FAM120A: variants seen among roughly 807,000 people sequenced by gnomAD.
FAM120A encodes family with sequence similarity 120 member A.
FAM120A carries 15 observed loss-of-function variants against 109.7 expected under a neutral mutation model. That is an observed-to-expected ratio of 0.14 (90% CI 0.09 to 0.21). The LOEUF (loss-of-function observed/expected upper bound fraction) is 0.21. FAM120A is among the 10% of genes least tolerant of loss of function. The probability of loss-of-function intolerance (pLI) is 1.00; values close to 1 mark genes in which losing one functional copy is unlikely to be tolerated. For synonymous variants in FAM120A, 493 were observed against 572.8 expected, an observed-to-expected ratio of 0.86 and a Z score of 1.99; for missense variants, 899 against 1,439.3, an observed-to-expected ratio of 0.62 and a Z score of 6.07.
intron 12 of FAM120A, 64 bp downstream of exon 12, chr9:93,550,755 C>A: frequency 1.6e-6 from 2 of 1,234,234 alleles, no homozygotes; most frequent in Non-Finnish European, 2.3e-6. Flanking sequence ...TGTAATACTG[C>A]TAACTTTCAA....
intron 10 of FAM120A, among the ~76,000 whole-genome samples, chr9:93,542,596 T>G (rs1389946370): frequency 6.6e-6 from 1 of 152,244 alleles, no homozygotes; most frequent in Non-Finnish European, 1.5e-5. Flanking sequence ...TTACACTCTG[T>G]CTGAAGTCTT....
At chr9:93,504,454 T>C (rs1395646551) in intron 5 of FAM120A, among the ~76,000 whole-genome samples, 3 of 152,236 alleles carry the variant, frequency 2.0e-5, no homozygotes. Flanking sequence ...CTCGACTCTC[T>C]ACCACCCTCA....
intron 15 of FAM120A, 116 bp from the exon 16 acceptor site, chr9:93,560,993 G>A: frequency 8.9e-7 from 1 of 1,118,180 alleles, no homozygotes; most frequent in Non-Finnish European, 1.3e-6. Flanking sequence ...ACAGGAGAAA[G>A]TAGCTTCATA....
At chr9:93,471,802 C>T (rs962680150) in intron 2 of FAM120A, among the ~76,000 whole-genome samples, 13 of 152,168 alleles carry the variant, frequency 8.5e-5, no homozygotes, top group African/African-American at 2.9e-4. Context: ...TTTCGGGATA[C>T]TCACTACTTT....
chr9:93,510,829 A>G (rs537929017), intron 5 of FAM120A, among the ~76,000 whole-genome samples: 180 of 151,732 alleles, frequency 1.2e-3, no homozygotes, highest in Middle Eastern at 3.4e-3. Context: ...AAACTGATTA[A>G]TTAAACCCAG....
intron 1 of FAM120A, among the ~76,000 whole-genome samples, chr9:93,469,940 G>A (rs1212705672): frequency 6.6e-6 from 1 of 152,178 alleles, no homozygotes; most frequent in African/African-American, 2.4e-5. Flanking sequence ...GTGATGTCCA[G>A]TAGAATTTTC....
intron 5 of FAM120A, among the ~76,000 whole-genome samples, chr9:93,512,041 C>A (rs1454331523): frequency 3.3e-5 from 5 of 152,210 alleles, no homozygotes; most frequent in Non-Finnish European, 7.3e-5. Flanking sequence ...ATTCGCCTGC[C>A]TTGGCCTCCC....
At chr9:93,525,494 AACAAC>A (rs1861038015) in intron 7 of FAM120A, among the ~76,000 whole-genome samples, 1 of 152,228 alleles carries the variant, frequency 6.6e-6, no homozygotes, top group African/African-American at 2.4e-5. Context: ...CTTTAAGCTT[AACAAC>A]AGTTTGAGAA....
At chr9:93,470,410 C>T (rs1162498962) in intron 1 of FAM120A, among the ~76,000 whole-genome samples, 1 of 152,044 alleles carries the variant, frequency 6.6e-6, no homozygotes, top group Non-Finnish European at 1.5e-5. Flanking sequence ...CTTGCTCCTT[C>T]GTGTGTTGTG....
Position 93,557,916 on chromosome 9 carries a change from G to A in FAM120A, c.2574G>A (p.Pro858=), listed in dbSNP as rs551505031. 11 of 1,610,724 alleles carry A rather than the reference G, an allele frequency of 6.8e-6. No homozygotes were observed. Among genetic ancestry groups the A allele is most frequent in the African/African-American group, 4.0e-5 (3 of 74,918 alleles). The part of the protein sequence containing the change: ...FSRQSHTLPF[P]PPPALPFYPA... ...GGCAGAGCCACACGCTCCCTTTCCC[G>A]CCGCCACCTGCCCTGCCCTTCTACC... Residue 858 remains proline (P), a synonymous_variant, in exon 14 of 18, where the codon CCG becomes CCA. Transcript: ENST00000277165.
intron 1 of FAM120A, among the ~76,000 whole-genome samples, chr9:93,464,412 C>G (rs1183845204): frequency 6.6e-6 from 1 of 152,152 alleles, no homozygotes; most frequent in African/African-American, 2.4e-5. Flanking sequence ...GCCCTTTTGC[C>G]ACTTCTTAAA....
At chr9:93,527,834 GC>G (rs1861155619) in intron 8 of FAM120A, among the ~76,000 whole-genome samples, 1 of 151,712 alleles carries the variant, frequency 6.6e-6, no homozygotes, top group Admixed American at 6.6e-5. Context: ...TGATGGCCAG[GC>G]TAGTCTCGAA....
chr9:93,532,623 C>T lies in FAM120A; in HGVS notation c.1909+294C>T. 5.4e-6 allele frequency: 2 copies of T among 369,376 alleles called. No homozygotes were observed. The highest frequency in any genetic ancestry group is 5.2e-5 in the South Asian group (2 of 38,536). 22.9% of individuals were successfully genotyped at this position (369,376 alleles called of 1,614,324 possible). ...TGAAAGCAGACTTGAATTGCCGCCA[C>T]TCTCTGTAATTACCACGTCTTGGTA... On this transcript the variant is annotated intron_variant, in intron 10 of 17. Coordinates refer to ENST00000277165, the MANE Select transcript of FAM120A (RefSeq NM_014612.5). This position sits in a 1 kb window ranked among gnomAD's most constrained non-coding sequence, Gnocchi z 4.3.
chr9:93,466,438 T>G (rs1218800767), intron 1 of FAM120A, among the ~76,000 whole-genome samples: 2 of 152,104 alleles, frequency 1.3e-5, no homozygotes, highest in Non-Finnish European at 2.9e-5. Context: ...CATGCCATCC[T>G]TTTGTTTTGG....
intron 3 of FAM120A, among the ~76,000 whole-genome samples, chr9:93,486,957 A>G (rs79068125): frequency 0.077 from 11,676 of 151,880 alleles, 578 homozygotes; most frequent in Non-Finnish European, 0.1. Flanking sequence ...GTTATTGTCT[A>G]TTTTTTTATT....
At position 93,564,630 on chromosome 9, in the gene FAM120A, T is replaced by G. The variant is rs1036947932; in HGVS notation, c.*90T>G. 8.1e-6 allele frequency: 9 copies of G among 1,111,808 alleles called. No individual in the cohort carries two copies. The African/African-American group carries it at 1.3e-4, about 16-fold the overall frequency. 68.9% of individuals were successfully genotyped at this position (1,111,808 alleles called of 1,614,324 possible). A position where few individuals can be genotyped will look rare whatever the true frequency, so the allele number is the denominator to read the frequency against. On this transcript the variant is annotated 3_prime_UTR_variant, in exon 18 of 18. Coordinates refer to ENST00000277165, the MANE Select transcript of FAM120A (RefSeq NM_014612.5). The stretch of plus-strand genomic sequence containing the variant: ...AGAGAGCCTGCAGTTATGTACATTT[T>G]GTCCTTTCCGTAAGAGAAAAATGAG...
chr9:93,557,937 C>G lies in FAM120A; in HGVS notation c.2595C>G (p.Phe865Leu). ...LPFPPPPALP[F>L]YPASAYPRHF... ...TCCCGCCGCCACCTGCCCTGCCCTT[C>G]TACCCTGCCTCTGCGTACCCCCGGC... is the stretch of plus-strand genomic sequence containing the variant. Residue 865 changes from phenylalanine to leucine, a missense_variant, in exon 14 of 18, where the codon TTC becomes TTG. Phe to Leu is a conservative substitution (Grantham distance 22). Coordinates refer to ENST00000277165, the MANE Select transcript of FAM120A (RefSeq NM_014612.5). 3 of 1,608,782 alleles carry G rather than the reference C, an allele frequency of 1.9e-6. No individual in the cohort carries two copies. Among genetic ancestry groups the G allele is most frequent in the Non-Finnish European group, 2.5e-6 (3 of 1,179,840 alleles).
chr9:93,506,362 C>T (rs1197289663), intron 5 of FAM120A, among the ~76,000 whole-genome samples: 1 of 152,180 alleles, frequency 6.6e-6, no homozygotes, highest in Non-Finnish European at 1.5e-5. Flanking sequence ...GCATTCATAA[C>T]ATCTTTTCTT....
Position 93,545,780 on chromosome 9 carries a change from C to CTT in FAM120A, c.2159+2334_2159+2335dup, listed in dbSNP as rs774150537. On this transcript the variant is annotated intron_variant, in intron 11 of 17. Transcript: ENST00000277165. ...GAAGACTGGCTGATGGGAAAGACTC[C>CTT]TTTTTTTTTTTTTTTTTTTTTTTTT... Among the ~76,000 whole-genome samples, 193 of 65,510 alleles carry CTT rather than the reference C, an allele frequency of 2.9e-3. 16 individuals carry two copies. Among genetic ancestry groups the CTT allele is most frequent in the Middle Eastern group, 9.1e-3 (1 of 110 alleles). 43.0% of individuals were successfully genotyped at this position (65,510 alleles called of 152,430 possible).
Sources: allele counts gnomAD v4.1 joint callset (sites outside exome capture counted in the v4.1 genomes callset), GRCh38; gene constraint gnomAD v4.1.1; non-coding constraint Gnocchi (gnomAD v3.1); transcripts MANE v1.5; gene names NCBI Gene and HGNC (gene_info 2026-07-23, HGNC 2026-07-21).